DNAH2: variants seen among roughly 807,000 people sequenced by gnomAD.
The protein encoded by DNAH2 is axonemal beta dynein heavy chain 2.
Under a neutral mutation model 523.5 loss-of-function variants are expected in DNAH2, and 323 were observed. The ratio of observed to expected loss-of-function variants is 0.62; its 90% CI spans 0.56 to 0.68. The LOEUF (loss-of-function observed/expected upper bound fraction) is 0.68. Among genes scored for constraint, DNAH2 ranks in the 30% least tolerant of loss-of-function variants. The pLI is 0.00. For missense variants in DNAH2, 4,907 were observed against 5,701.5 expected, an observed-to-expected ratio of 0.86 and a Z score of 4.49; for synonymous variants, 2,093 against 2,177.4, an observed-to-expected ratio of 0.96 and a Z score of 1.08.
chr17:7,730,088 G>A (rs2074940677), intron 4 of DNAH2, among the ~76,000 whole-genome samples: 1 of 148,098 alleles, frequency 6.8e-6, no homozygotes, highest in African/African-American at 2.5e-5. Context: ...CCTCACAACA[G>A]TACCATGTTC....
chr17:7,804,213 G>C (rs775757365), intron 58 of DNAH2, 43 bp from the exon 59 acceptor site: 3 of 1,604,900 alleles, frequency 1.9e-6, no homozygotes, highest in African/African-American at 2.7e-5. Context: ...CGCGCTTTCC[G>C]GAAGCCCCGC....
intron 63 of DNAH2, 64 bp from the exon 64 acceptor site, chr17:7,816,507 T>A: frequency 1.3e-6 from 2 of 1,582,832 alleles, no homozygotes; most frequent in Non-Finnish European, 1.7e-6. Flanking sequence ...AGAGTCATGA[T>A]GTGAACAAGA....
At chr17:7,791,886 G>A in intron 44 of DNAH2, 31 bp from the exon 45 acceptor site, 3 of 1,604,222 alleles carry the variant, frequency 1.9e-6, no homozygotes, top group Non-Finnish European at 2.6e-6. Context: ...TCTTACAGGT[G>A]GGTTATTTCC....
rs553515874 is a variant in DNAH2, at chr17:7,826,095, G to T, written c.11853+1368G>T. 4.6e-5 allele frequency among the ~76,000 whole-genome samples: 7 copies of T among 152,302 alleles called. No homozygotes were observed. The South Asian group carries it at 1.5e-3, about 32-fold the overall frequency. On this transcript the variant is annotated intron_variant, in intron 77 of 85. Transcript: ENST00000572933. ...GCTGAGATTGCGCTGTTACACTGCA[G>T]CCTGGGCTCCGCCTCCCAGGTTCAA... is the stretch of plus-strand genomic sequence containing the variant.
rs777548415 is a variant in DNAH2, at chr17:7,793,015, G to A, written c.7379G>A (p.Ser2460Asn). The A allele has an allele frequency of 6.2e-7, 1 of 1,613,794 alleles. No individual in the cohort carries two copies. The change falls in exon 48 of 86, where the codon AGC (serine) becomes AAC (asparagine). Residue 2460 changes from serine to asparagine, a missense_variant. By Grantham distance (46) the Ser-to-Asn change is conservative. Transcript: ENST00000572933. ...AATAACGTGCAGAGCATCATTGAGA[G>A]CAGGGTTGAGAAGCGAACCAAGGGT... Reference protein sequence around the residue: ...TSNNVQSIIESRVEKRTKGVY... With the variant: ...TSNNVQSIIENRVEKRTKGVY...
chr17:7,821,166 T>C lies in DNAH2; in HGVS notation c.11016-77T>C. Reference sequence around the variant, plus strand: ...TCCTCTGTGTGAAGCTGTGTGATAGTAGCATCATAGCATTCGCATGGAGCA... The same window carrying C: ...TCCTCTGTGTGAAGCTGTGTGATAGCAGCATCATAGCATTCGCATGGAGCA... On this transcript the variant is annotated intron_variant, in intron 72 of 85. Transcript: ENST00000572933. The surrounding 1 kb of genome is among the most constrained non-coding windows in gnomAD (Gnocchi z 5.0). 1.3e-6 allele frequency: 2 copies of C among 1,548,330 alleles called. No homozygotes were observed. The highest frequency in any genetic ancestry group is 1.8e-6 in the Non-Finnish European group (2 of 1,141,766).
rs767035765 is a variant in DNAH2, at chr17:7,737,238, C to G, written c.1150C>G (p.Leu384Val). Residue 384 changes from leucine (L) to valine (V), a missense_variant, in exon 8 of 86, where the codon CTG becomes GTG. Transcript: ENST00000572933. ...TCCCCACTACAACACTCGGGAGAGA[C>G]TGACCTCGCTCTTCCGAAAGGTGTG... The part of the protein sequence containing the change: ...NSPHYNTRER[L>V]TSLFRKVCDC... The G allele has an allele frequency of 3.1e-6, 5 of 1,613,876 alleles. No individual in the cohort carries two copies. The highest frequency in any genetic ancestry group is 1.7e-5 in the Admixed American group (1 of 59,994).
chr17:7,832,716 C>T lies in DNAH2; in HGVS notation c.12864C>T (p.Phe4288=). Residue 4288 remains phenylalanine (F), a synonymous_variant, in exon 83 of 86, where the codon TTC becomes TTT. Coordinates refer to ENST00000572933, the MANE Select transcript of DNAH2 (RefSeq NM_020877.5). The surrounding 1 kb of genome is among the most constrained non-coding windows in gnomAD (Gnocchi z 4.3). The part of the protein sequence containing the change: ...WLSGFTFPTG[F]LTAVLQSSAR... ...CTGGTTTCACCTTTCCCACTGGCTT[C>T]CTCACTGCTGTGCTGCAGTCTTCAG... 2 of 1,614,130 alleles carry T rather than the reference C, an allele frequency of 1.2e-6. No homozygotes were observed. The highest frequency in any genetic ancestry group is 1.1e-5 in the South Asian group (1 of 91,090).
At chr17:7,720,169 C>T (rs2074556949) in intron 2 of DNAH2, among the ~76,000 whole-genome samples, 2 of 152,204 alleles carry the variant, frequency 1.3e-5, no homozygotes, top group African/African-American at 4.8e-5. Flanking sequence ...TTTCTCTAGC[C>T]TCTTCCTCCT....
intron 67 of DNAH2, 37 bp downstream of exon 67, chr17:7,817,893 C>G: frequency 6.2e-7 from 1 of 1,613,978 alleles, no homozygotes; most frequent in Non-Finnish European, 8.5e-7. Context: ...CCCCCCCTTC[C>G]TGAGGCCCCA....
Position 7,798,043 on chromosome 17 carries a change from T to C in DNAH2, c.8231-114T>C. ...GGCCTTGGGCACCAACTTCTTCTCA[T>C]ACCTCTTGGTTCCTCTGCTTCAGTT... On this transcript the variant is annotated intron_variant, in intron 53 of 85. Transcript: ENST00000572933. The surrounding 1 kb of genome is among the most constrained non-coding windows in gnomAD (Gnocchi z 5.5). 7.0e-7 allele frequency: 1 copy of C among 1,432,608 alleles called. No individual in the cohort carries two copies. Among genetic ancestry groups the C allele is most frequent in the South Asian group, 1.4e-5 (1 of 72,344 alleles). The allele number at this position is 1,432,608 out of a possible 1,614,324, so 88.7% of individuals were successfully genotyped here. A position where few individuals can be genotyped will look rare whatever the true frequency, so the allele number is the denominator to read the frequency against.
At chr17:7,766,640 CTTTTTTTTTTT>C (rs58072098) in intron 22 of DNAH2, among the ~76,000 whole-genome samples, 159 bp downstream of exon 22, 2 of 84,430 alleles carry the variant, frequency 2.4e-5, no homozygotes, top group Non-Finnish European at 4.5e-5. Context: ...AAAATTAATC[CTTTTTTTTTTT>C]TTTTTTTTTT....
chr17:7,741,240 TTCTTTC>T, intron 11 of DNAH2, among the ~76,000 whole-genome samples: 1 of 26,816 alleles, frequency 3.7e-5, no homozygotes, highest in East Asian at 2.1e-3. Context: ...CTCTCTCTCT[TTCTTTC>T]TTTCTTTCTT....
chr17:7,764,369 C>T lies in DNAH2; in HGVS notation c.3336+96C>T, dbSNP rs541600530. ...GTCCTCGGGGAGAGTAGAGAAGTGA[C>T]AGCAGGAGGAGACTCTAGATTTGAA... On this transcript the variant is annotated intron_variant, in intron 20 of 85. Coordinates refer to ENST00000572933, the MANE Select transcript of DNAH2 (RefSeq NM_020877.5). 7.6e-6 allele frequency: 11 copies of T among 1,442,252 alleles called. No individual in the cohort carries two copies. In the East Asian group the frequency reaches 2.3e-4, roughly 30 times the overall value. The allele number at this position is 1,442,252 out of a possible 1,614,324, so 89.3% of individuals were successfully genotyped here.
intron 30 of DNAH2, 32 bp downstream of exon 30, chr17:7,775,374 TG>T: frequency 6.3e-7 from 1 of 1,580,340 alleles, no homozygotes; most frequent in East Asian, 2.3e-5. Context: ...AGGACCTAGC[TG>T]ATTCTTCTTC....
chr17:7,801,771 C>T (rs4791834), intron 57 of DNAH2, 61 bp downstream of exon 57: 23 of 1,610,734 alleles, frequency 1.4e-5, no homozygotes, highest in Non-Finnish European at 2.0e-5. Context: ...CGCCTCTCAT[C>T]TCTCATCGCA....
intron 18 of DNAH2, among the ~76,000 whole-genome samples, 169 bp from the exon 19 acceptor site, chr17:7,763,662 G>A (rs557685549): frequency 1.3e-5 from 2 of 152,374 alleles, no homozygotes; most frequent in African/African-American, 4.8e-5. Context: ...GTCAGTCACA[G>A]CTGCATGGCT....
rs547102758 is a variant in DNAH2, at chr17:7,737,261, G to A, written c.1170+3G>A. Reference sequence around the variant, plus strand: ...GACTGACCTCGCTCTTCCGAAAGGTGTGCATATGCTGAGGGTGGGATGGAG... The same window carrying A: ...GACTGACCTCGCTCTTCCGAAAGGTATGCATATGCTGAGGGTGGGATGGAG... On this transcript the variant is annotated splice_donor_region_variant and intron_variant, in intron 8 of 85. Transcript: ENST00000572933. 3.1e-6 allele frequency: 5 copies of A among 1,612,870 alleles called. No homozygotes were observed. The highest frequency in any genetic ancestry group is 2.2e-5 in the East Asian group (1 of 44,844).
chr17:7,777,479 A>G lies in DNAH2; in HGVS notation c.5092A>G (p.Arg1698Gly). ...CCTGAATAAGTATTCAGAAGCCATCAGGGGGAACTTGACCAAGATCATGCG... is the reference window on the plus strand; with the variant it reads ...CCTGAATAAGTATTCAGAAGCCATCGGGGGGAACTTGACCAAGATCATGCG... ...SILNKYSEAI[R>G]GNLTKIMRLK... The change falls in exon 33 of 86, where the codon AGG (arginine) becomes GGG (glycine). Residue 1698 changes from arginine to glycine, a missense_variant. Transcript: ENST00000572933. 1 of 1,614,166 alleles carries G rather than the reference A, an allele frequency of 6.2e-7. No individual in the cohort carries two copies. The highest frequency in any genetic ancestry group is 8.5e-7 in the Non-Finnish European group (1 of 1,180,016).
Sources: allele counts gnomAD v4.1 joint callset (sites outside exome capture counted in the v4.1 genomes callset), GRCh38; gene constraint gnomAD v4.1.1; non-coding constraint Gnocchi (gnomAD v3.1); transcripts MANE v1.5; gene names NCBI Gene and HGNC (gene_info 2026-07-23, HGNC 2026-07-21).